The following DNASE1L3 variants were observed in gnomAD, a reference collection of about 807,000 sequenced individuals.
The protein encoded by DNASE1L3 is deoxyribonuclease gamma.
In DNASE1L3, 27 loss-of-function variants were observed where a neutral mutation model predicts 30.9. The observed-to-expected ratio is 0.87, with a 90% CI of 0.64 to 1.20. The LOEUF is 1.20. Among genes scored for constraint, DNASE1L3 ranks in the 50% most tolerant of loss-of-function variants. DNASE1L3 has a pLI of 0.00. For missense variants in DNASE1L3, 364 were observed against 378.2 expected (o/e 0.96, Z 0.31); for synonymous variants, 135 against 138.0 (o/e 0.98, Z 0.15).
chr3:58,193,359 T>C lies in DNASE1L3; in HGVS notation c.785A>G (p.Lys262Arg). The C allele has an allele frequency of 1.2e-6, 2 of 1,614,176 alleles. No individual in the cohort carries two copies. The highest frequency in any genetic ancestry group is 1.7e-6 in the Non-Finnish European group (2 of 1,180,028). Residue 262 changes from lysine to arginine, a missense_variant, in exon 7 of 8, where the codon AAG (lysine) becomes AGG (arginine). Physicochemically the swap from Lys to Arg is conservative, Grantham distance 26. Transcript: ENST00000394549. ...NSVFDFQKAY[K>R]LTEEEALDVS... ...CAACCTTACCTCCTCTTCAGTCAGC[T>C]TGTAAGCTTTCTGGAAGTCAAAAAC...
intron 2 of DNASE1L3, chr3:58,207,698 G>A (rs1421763067): frequency 6.6e-6 from 1 of 152,128 alleles, no homozygotes; most frequent in East Asian, 1.9e-4. Context: ...GTCTTGCTCT[G>A]TGGCCCAGGC....
intron 4 of DNASE1L3, among the ~76,000 whole-genome samples, chr3:58,201,993 A>T (rs1380603402): frequency 6.6e-6 from 1 of 152,170 alleles, no homozygotes; most frequent in Non-Finnish European, 1.5e-5. Flanking sequence ...CCATGCTGGC[A>T]TTGTGAGTGC....
chr3:58,205,517 G>T lies in DNASE1L3; in HGVS notation c.274C>A (p.Arg92=). The T allele has an allele frequency of 1.9e-6, 3 of 1,614,072 alleles. No homozygotes were observed. The highest frequency in any genetic ancestry group is 2.5e-6 in the Non-Finnish European group (3 of 1,179,886). ...GITYNYVISS[R]LGRNTYKEQY... is the part of the protein sequence containing the mutation. ...TCTTTATATGTGTTTCTTCCAAGCC[G>T]AGAGCTAATCACATAGTTGTACGTT... Residue 92 remains arginine (R), a synonymous_variant, in exon 3 of 8, where the codon CGG becomes AGG. Coordinates refer to ENST00000394549, the MANE Select transcript of DNASE1L3 (RefSeq NM_004944.4).
intron 1 of DNASE1L3, among the ~76,000 whole-genome samples, chr3:58,210,125 G>A (rs534589990): frequency 1.4e-4 from 21 of 147,128 alleles, no homozygotes; most frequent in African/African-American, 5.0e-4. Context: ...GGAGAGAGAA[G>A]GAAGGAAGGA....
rs1446725162 is a variant in DNASE1L3, at chr3:58,200,495, C to T, written c.546+502G>A. On this transcript the variant is annotated intron_variant, in intron 5 of 7. Transcript: ENST00000394549. This position sits in a 1 kb window ranked among gnomAD's most constrained non-coding sequence, Gnocchi z 4.2. ...AAGCTCTGATTACCTTGTCTGAGCC[C>T]TGGATCCAGCTATGCCTGAAGTACT... Among the ~76,000 whole-genome samples the T allele has an allele frequency of 6.6e-6, 1 of 152,170 alleles. No homozygotes were observed. Among genetic ancestry groups the T allele is most frequent in the Non-Finnish European group, 1.5e-5 (1 of 68,028 alleles).
Position 58,193,456 on chromosome 3 carries a change from G to A in DNASE1L3, c.705-17C>T. The A allele has an allele frequency of 6.2e-7, 1 of 1,600,552 alleles. No individual in the cohort carries two copies. Among genetic ancestry groups the A allele is most frequent in the Non-Finnish European group, 8.6e-7 (1 of 1,168,804 alleles). On this transcript the variant is annotated splice_polypyrimidine_tract_variant and intron_variant, in intron 6 of 7. Transcript: ENST00000394549. Reference sequence around the variant, plus strand: ...AGCACAATCCTGGAACAAGGGGAGGGAAAACAGTTGTGTTAATCCAACCTG... The same window carrying A: ...AGCACAATCCTGGAACAAGGGGAGGAAAAACAGTTGTGTTAATCCAACCTG...
intron 3 of DNASE1L3, among the ~76,000 whole-genome samples, chr3:58,205,179 G>A (rs965509261): frequency 6.6e-6 from 1 of 152,220 alleles, no homozygotes; most frequent in African/African-American, 2.4e-5. Context: ...AATCAGCTGT[G>A]CTGAGAACCT....
intron 2 of DNASE1L3, among the ~76,000 whole-genome samples, chr3:58,205,893 T>G (rs995847913): frequency 6.6e-6 from 1 of 152,232 alleles, no homozygotes; most frequent in Non-Finnish European, 1.5e-5. Context: ...GGGAGGCCAC[T>G]GAGACCCTAG....
chr3:58,207,265 G>A (rs2097404623), intron 2 of DNASE1L3, among the ~76,000 whole-genome samples: 1 of 152,062 alleles, frequency 6.6e-6, no homozygotes, highest in Non-Finnish European at 1.5e-5. Context: ...CCAGCTACTT[G>A]GGAGGCTGAG....
chr3:58,201,201 G>A, intron 4 of DNASE1L3, 92 bp from the exon 5 acceptor site: 2 of 920,280 alleles, frequency 2.2e-6, no homozygotes, highest in East Asian at 2.7e-5. Flanking sequence ...CCCTCCAGAA[G>A]GCACAGGCTG....
intron 6 of DNASE1L3, among the ~76,000 whole-genome samples, chr3:58,194,917 C>T (rs946551772): frequency 6.6e-6 from 1 of 152,156 alleles, no homozygotes; most frequent in African/African-American, 2.4e-5. Flanking sequence ...TGTGAGCCAC[C>T]ACGCCCGGCC....
intron 2 of DNASE1L3, among the ~76,000 whole-genome samples, chr3:58,207,394 G>T (rs1378991657): frequency 6.7e-6 from 1 of 149,134 alleles, no homozygotes; most frequent in African/African-American, 2.5e-5. Context: ...AGAAGCAAGT[G>T]CCCCTCACTC....
chr3:58,192,930 C>T lies in DNASE1L3; in HGVS notation c.802-127G>A, dbSNP rs1358510314. 3 of 1,480,256 alleles carry T rather than the reference C, an allele frequency of 2.0e-6. No homozygotes were observed. The highest frequency in any genetic ancestry group is 2.7e-6 in the Non-Finnish European group (3 of 1,123,074). 91.7% of individuals were successfully genotyped at this position (1,480,256 alleles called of 1,614,324 possible). A position where few individuals can be genotyped will look rare whatever the true frequency, so the allele number is the denominator to read the frequency against. On this transcript the variant is annotated intron_variant, in intron 7 of 7. Coordinates refer to ENST00000394549, the MANE Select transcript of DNASE1L3 (RefSeq NM_004944.4). The surrounding 1 kb of genome is among the most constrained non-coding windows in gnomAD (Gnocchi z 4.8). Reference sequence around the variant, plus strand: ...ATGCCCGAAGTCACCCCACAGAACACTTACTGGTAAGCGTCATTCCAAGAC... The same window carrying T: ...ATGCCCGAAGTCACCCCACAGAACATTTACTGGTAAGCGTCATTCCAAGAC...
chr3:58,208,063 G>A (rs149235845), intron 2 of DNASE1L3, 155 bp downstream of exon 2: 2 of 617,526 alleles, frequency 3.2e-6, no homozygotes, highest in East Asian at 2.6e-5. Flanking sequence ...AAAGTTCTCA[G>A]GACCGTGGCT....
intron 4 of DNASE1L3, among the ~76,000 whole-genome samples, chr3:58,202,819 C>CTCCA (rs1211803502): frequency 6.6e-6 from 1 of 151,008 alleles, no homozygotes; most frequent in East Asian, 2.0e-4. Context: ...CGCCACTGCA[C>CTCCA]TCCAGCCTGG....
intron 6 of DNASE1L3, among the ~76,000 whole-genome samples, chr3:58,193,940 A>T (rs938840832): frequency 2.0e-5 from 3 of 152,214 alleles, no homozygotes; most frequent in Non-Finnish European, 4.4e-5. Flanking sequence ...TTTTCACTGG[A>T]CTTAATTTTT....
At chr3:58,205,184 GAA>G (rs2097403110) in intron 3 of DNASE1L3, among the ~76,000 whole-genome samples, 1 of 152,236 alleles carries the variant, frequency 6.6e-6, no homozygotes, top group Non-Finnish European at 1.5e-5. Context: ...GCTGTGCTGA[GAA>G]CCTCAGCTTT....
chr3:58,195,093 G>A (rs919272319), intron 6 of DNASE1L3, among the ~76,000 whole-genome samples: 13 of 152,154 alleles, frequency 8.5e-5, no homozygotes, highest in Non-Finnish European at 1.6e-4. Flanking sequence ...TTCATGTGAC[G>A]TTTTCAGTCC....
chr3:58,192,904 A>C lies in DNASE1L3; in HGVS notation c.802-101T>G. 5.2e-6 allele frequency: 8 copies of C among 1,533,606 alleles called. No homozygotes were observed. The highest frequency in any genetic ancestry group is 7.0e-6 in the Non-Finnish European group (8 of 1,146,232). The allele number at this position is 1,533,606 out of a possible 1,614,324, so 95.0% of individuals were successfully genotyped here. On this transcript the variant is annotated intron_variant, in intron 7 of 7. Transcript: ENST00000394549. This position sits in a 1 kb window ranked among gnomAD's most constrained non-coding sequence, Gnocchi z 4.8. ...ATTTAGGACCAGGGAGGGGAGAGGA[A>C]ATGCCCGAAGTCACCCCACAGAACA...
Sources: allele counts gnomAD v4.1 joint callset (sites outside exome capture counted in the v4.1 genomes callset), GRCh38; gene constraint gnomAD v4.1.1; non-coding constraint Gnocchi (gnomAD v3.1); transcripts MANE v1.5; gene names NCBI Gene and HGNC (gene_info 2026-07-23, HGNC 2026-07-21).